Variants in GSDME observed in about 807,000 individuals in gnomAD.
GSDME encodes the protein gasdermin-E.
In GSDME, 44 loss-of-function variants were observed where a neutral mutation model predicts 47.5. The ratio of observed to expected loss-of-function variants is 0.93; its 90% CI spans 0.73 to 1.19. The LOEUF is 1.19. Among genes scored for constraint, GSDME ranks in the 50% most tolerant of loss-of-function variants. The pLI is 0.00. For synonymous variants in GSDME, 258 were observed against 252.8 expected (o/e 1.02, Z -0.20); for missense variants, 663 against 604.2 (o/e 1.10, Z -1.02).
the GSDME span, among the ~76,000 whole-genome samples, chr7:24,763,558 G>C: frequency 1.3e-5 from 2 of 152,182 alleles, no homozygotes; most frequent in Admixed American, 1.3e-4. This position sits in a 1 kb window ranked among gnomAD's most constrained non-coding sequence, Gnocchi z 4.3. Flanking sequence ...GACAGCATGA[G>C]ATTTCATCAT....
chr7:24,708,065 C>T (rs928531717), intron 7 of GSDME, 62 bp downstream of exon 7: 3 of 1,603,642 alleles, frequency 1.9e-6, no homozygotes, highest in Non-Finnish European at 2.6e-6. Flanking sequence ...TTCCATCCTG[C>T]CTCCTCCCCT....
chr7:24,792,384 C>T, the GSDME span, among the ~76,000 whole-genome samples: 4 of 152,086 alleles, frequency 2.6e-5, no homozygotes, highest in Non-Finnish European at 2.9e-5. Context: ...GGGTCTTTGT[C>T]GAAATCTCCT....
chr7:24,749,851 T>C (rs959567565), intron 1 of GSDME, 58 bp from the exon 2 acceptor site: 3 of 1,148,312 alleles, frequency 2.6e-6, no homozygotes, highest in Admixed American at 3.5e-5. Flanking sequence ...GTGGCTTTTT[T>C]CCCTAAAATT....
At chr7:24,783,151 T>C in the GSDME span, among the ~76,000 whole-genome samples, 2 of 152,160 alleles carry the variant, frequency 1.3e-5, no homozygotes, top group African/African-American at 2.4e-5. Flanking sequence ...GTAAACAGTG[T>C]CTTAATATTT....
chr7:24,789,380 T>C, the GSDME span, among the ~76,000 whole-genome samples: 22 of 150,542 alleles, frequency 1.5e-4, no homozygotes, highest in South Asian at 4.6e-3. Context: ...GGCAGACTTA[T>C]GTCTCAAAAA....
chr7:24,751,993 A>T (rs1206019762), intron 1 of GSDME, among the ~76,000 whole-genome samples: 1 of 152,244 alleles, frequency 6.6e-6, no homozygotes, highest in Non-Finnish European at 1.5e-5. Context: ...GCATACTGTC[A>T]CAGAAGTCCT....
chr7:24,713,161 A>C (rs1021743189), intron 5 of GSDME, among the ~76,000 whole-genome samples: 15 of 152,146 alleles, frequency 9.9e-5, no homozygotes, highest in African/African-American at 3.4e-4. Context: ...AGTGGTGGAG[A>C]AATGTGGCAG....
In GSDME at chr7:24,744,273, A is replaced by G; in HGVS notation, c.404+289T>C. The G allele has an allele frequency of 2.3e-6, 1 of 443,642 alleles. No homozygotes were observed. Among genetic ancestry groups the G allele is most frequent in the East Asian group, 4.9e-5 (1 of 20,552 alleles). 27.5% of individuals were successfully genotyped at this position (443,642 alleles called of 1,614,324 possible). ...AATATTCAAAAATGCAGGACAGAGCATTTTTACCGTTCGCATTTTATAAAT... is the reference window on the plus strand; with the variant it reads ...AATATTCAAAAATGCAGGACAGAGCGTTTTTACCGTTCGCATTTTATAAAT... On this transcript the variant is annotated intron_variant, in intron 3 of 9. Transcript: ENST00000645220. This position sits in a 1 kb window ranked among gnomAD's most constrained non-coding sequence, Gnocchi z 4.5.
the GSDME span, among the ~76,000 whole-genome samples, chr7:24,768,628 A>G: frequency 6.6e-6 from 1 of 152,238 alleles, no homozygotes; most frequent in Non-Finnish European, 1.5e-5. The surrounding 1 kb of genome is among the most constrained non-coding windows in gnomAD (Gnocchi z 5.6). Context: ...AAGTGGAACT[A>G]GAGACTGAGG....
At chr7:24,740,584 CTCA>C (rs1201099094) in intron 3 of GSDME, among the ~76,000 whole-genome samples, 1 of 151,824 alleles carries the variant, frequency 6.6e-6, no homozygotes, top group African/African-American at 2.4e-5. Flanking sequence ...ATCAAAACAT[CTCA>C]TGAGATGTAT....
At chr7:24,700,928 A>G (rs373001775) in intron 9 of GSDME, among the ~76,000 whole-genome samples, 10 of 152,180 alleles carry the variant, frequency 6.6e-5, no homozygotes, top group African/African-American at 1.9e-4. Flanking sequence ...CCCTTTGCCC[A>G]CAGGCATTTC....
chr7:24,720,567 T>C (rs1032972636), intron 3 of GSDME, among the ~76,000 whole-genome samples: 4 of 152,150 alleles, frequency 2.6e-5, no homozygotes, highest in Non-Finnish European at 4.4e-5. Flanking sequence ...AACAGATGAA[T>C]GGAGAAACAA....
chr7:24,710,934 A>C (rs1789329860), intron 5 of GSDME, among the ~76,000 whole-genome samples: 1 of 152,256 alleles, frequency 6.6e-6, no homozygotes, highest in South Asian at 2.1e-4. Context: ...GAAAAATGGC[A>C]AACACAAAAG....
At chr7:24,779,498 G>GGTGTGTGTGT in the GSDME span, among the ~76,000 whole-genome samples, 49,830 of 142,862 alleles carry the variant, frequency 0.35, 9,812 homozygotes, top group South Asian at 0.53. This position sits in a 1 kb window ranked among gnomAD's most constrained non-coding sequence, Gnocchi z 6.0. Flanking sequence ...AGTGATACAT[G>GGTGTGTGTGT]GTGTGTGTGT....
At chr7:24,773,589 G>T in the GSDME span, among the ~76,000 whole-genome samples, 2 of 152,104 alleles carry the variant, frequency 1.3e-5, no homozygotes, top group Admixed American at 6.5e-5. The surrounding 1 kb of genome is among the most constrained non-coding windows in gnomAD (Gnocchi z 5.4). Flanking sequence ...AATTTTTAAG[G>T]CTAATTAAGA....
At chr7:24,776,456 T>A in the GSDME span, among the ~76,000 whole-genome samples, 1 of 152,180 alleles carries the variant, frequency 6.6e-6, no homozygotes, top group Non-Finnish European at 1.5e-5. Context: ...TCCACCATCC[T>A]CCTCGATAAT....
chr7:24,707,733 C>T (rs1046700537), intron 7 of GSDME: 3 of 424,354 alleles, frequency 7.1e-6, no homozygotes, highest in African/African-American at 5.9e-5. Flanking sequence ...AGAGCAGAGG[C>T]TGGAGTGCTG....
At position 24,756,637 on chromosome 7, in the gene GSDME, T is replaced by C. The variant is rs1213616996; in HGVS notation, c.-20+759A>G. Among the ~76,000 whole-genome samples the C allele has an allele frequency of 1.3e-5, 2 of 152,066 alleles. No homozygotes were observed. The highest frequency in any genetic ancestry group is 2.9e-5 in the Non-Finnish European group (2 of 68,026). The stretch of plus-strand genomic sequence containing the variant: ...ATCCCATTCACTATTCTGGACAGAG[T>C]AGACTCTGGAGGAGTGGGTGGTCGG... On this transcript the variant is annotated intron_variant, in intron 1 of 9. Transcript: ENST00000645220. The surrounding 1 kb of genome is among the most constrained non-coding windows in gnomAD (Gnocchi z 4.2).
intron 3 of GSDME, among the ~76,000 whole-genome samples, chr7:24,720,021 G>T (rs955388596): frequency 6.6e-6 from 1 of 152,154 alleles, no homozygotes; most frequent in East Asian, 1.9e-4. Context: ...AATTAGATTT[G>T]AACTAAGAGG....
Sources: gnomAD v4.1 joint callset for allele counts (sites outside exome capture counted in the v4.1 genomes callset) on GRCh38, gnomAD v4.1.1 for gene constraint, Gnocchi (gnomAD v3.1) non-coding constraint, MANE v1.5 for transcripts, NCBI Gene and HGNC (gene_info 2026-07-23, HGNC 2026-07-21) for gene names.